Variants in PCDH15 observed in about 807,000 individuals in gnomAD.
PCDH15 encodes protocadherin related 15, also known as protocadherin-15.
Under a neutral mutation model 178.5 loss-of-function variants are expected in PCDH15, and 129 were observed. The ratio of observed to expected loss-of-function variants is 0.72; its 90% CI spans 0.63 to 0.84. PCDH15 has a LOEUF of 0.84. PCDH15 is among the 40% of genes least tolerant of loss of function. The probability of loss-of-function intolerance (pLI) is 0.00; values close to 1 mark genes in which losing one functional copy is unlikely to be tolerated. For synonymous variants in PCDH15, 800 were observed against 732.0 expected, an observed-to-expected ratio of 1.09 and a Z score of -1.50; for missense variants, 2,230 against 2,099.9, an observed-to-expected ratio of 1.06 and a Z score of -1.21.
intron 2 of PCDH15, among the ~76,000 whole-genome samples, chr10:55,591,199 C>G (rs1459969380): frequency 1.3e-5 from 2 of 151,916 alleles, no homozygotes; most frequent in African/African-American, 2.4e-5. Context: ...GTGGCTCACA[C>G]CTGTCATCCC....
intron 8 of PCDH15, among the ~76,000 whole-genome samples, chr10:54,239,367 G>A (rs1230402688): frequency 1.3e-5 from 2 of 151,300 alleles, no homozygotes; most frequent in Admixed American, 6.6e-5. Flanking sequence ...AAGAGGAAGG[G>A]AGAAATGAAA....
chr10:55,607,213 A>G (rs943623143), intron 2 of PCDH15, among the ~76,000 whole-genome samples: 4 of 151,602 alleles, frequency 2.6e-5, no homozygotes, highest in Non-Finnish European at 4.4e-5. Context: ...ATCTCACACC[A>G]GTTAGAATGG....
At chr10:55,158,102 A>G (rs1424816542) in intron 2 of PCDH15, among the ~76,000 whole-genome samples, 1 of 149,310 alleles carries the variant, frequency 6.7e-6, no homozygotes, top group African/African-American at 2.5e-5. Flanking sequence ...ATATATACAC[A>G]TATCTTTTAT....
At position 53,831,274 on chromosome 10, in the gene PCDH15, T is replaced by C. The variant is rs368258901; in HGVS notation, c.4202+41A>G. The C allele has an allele frequency of 9.5e-6, 15 of 1,584,348 alleles. No individual in the cohort carries two copies. In the South Asian group the frequency reaches 1.1e-4, roughly 12 times the overall value. On this transcript the variant is annotated intron_variant, in intron 30 of 37. Transcript: ENST00000644397. The stretch of plus-strand genomic sequence containing the variant: ...ACCAGAGATGGTTTTCTGCAATGAC[T>C]TCTGAGGAACTATCCAGGTTTACCA...
chr10:55,623,731 T>C (rs1837461127), intron 2 of PCDH15, among the ~76,000 whole-genome samples: 1 of 150,620 alleles, frequency 6.6e-6, no homozygotes, highest in Non-Finnish European at 1.5e-5. Context: ...CTAGATCCTC[T>C]TGGGGGATTA....
intron 2 of PCDH15, among the ~76,000 whole-genome samples, chr10:55,345,819 T>A (rs1844738575): frequency 6.6e-6 from 1 of 152,078 alleles, no homozygotes; most frequent in Non-Finnish European, 1.5e-5. Flanking sequence ...TTTTTCAAGT[T>A]ATACATATAT....
At chr10:54,631,908 G>A (rs570675840) in intron 2 of PCDH15, among the ~76,000 whole-genome samples, 4 of 152,070 alleles carry the variant, frequency 2.6e-5, no homozygotes, top group South Asian at 2.1e-4. Flanking sequence ...AGGGGAAACC[G>A]CCCCCGTGAT....
At chr10:54,687,363 T>TA (rs1357243241) in intron 1 of PCDH15, among the ~76,000 whole-genome samples, 1 of 152,038 alleles carries the variant, frequency 6.6e-6, no homozygotes, top group Non-Finnish European at 1.5e-5. Context: ...CTAGTACTCT[T>TA]ATGCTCATTG....
At chr10:54,071,413 G>T (rs1253073171) in intron 17 of PCDH15, among the ~76,000 whole-genome samples, 4 of 151,986 alleles carry the variant, frequency 2.6e-5, no homozygotes, top group Non-Finnish European at 5.9e-5. Context: ...AGCAATTTTG[G>T]CTTTAATCCT....
chr10:55,253,263 TG>T (rs1841895074), intron 1 of PCDH15, among the ~76,000 whole-genome samples: 1 of 151,794 alleles, frequency 6.6e-6, no homozygotes, highest in Non-Finnish European at 1.5e-5. Context: ...TGTGTGTGTG[TG>T]TGTGTGCATG....
chr10:54,255,728 T>C (rs538877543), intron 8 of PCDH15, among the ~76,000 whole-genome samples: 2 of 152,132 alleles, frequency 1.3e-5, no homozygotes, highest in South Asian at 4.1e-4. Flanking sequence ...TCTATAAGAA[T>C]AATATTAATG....
intron 3 of PCDH15, among the ~76,000 whole-genome samples, chr10:54,831,808 G>A (rs1376358237): frequency 6.6e-6 from 1 of 151,850 alleles, no homozygotes; most frequent in African/African-American, 2.4e-5. Flanking sequence ...ATGATCAATT[G>A]GCCACCGTAC....
intron 9 of PCDH15, among the ~76,000 whole-genome samples, chr10:54,234,989 G>A (rs1022818825): frequency 6.6e-6 from 1 of 152,064 alleles, no homozygotes; most frequent in Non-Finnish European, 1.5e-5. Flanking sequence ...CTTCTTTCCA[G>A]TACTTCCGGC....
intron 26 of PCDH15, among the ~76,000 whole-genome samples, chr10:53,873,691 C>A (rs1345495304): frequency 6.6e-6 from 1 of 152,224 alleles, no homozygotes; most frequent in Non-Finnish European, 1.5e-5. Context: ...GATGGAAAGA[C>A]AATAAATATG....
chr10:54,878,081 G>A (rs1954185415), intron 3 of PCDH15, among the ~76,000 whole-genome samples: 1 of 150,780 alleles, frequency 6.6e-6, no homozygotes, highest in African/African-American at 2.4e-5. Context: ...TCCTTCCTCA[G>A]TCCCCCTCGT....
chr10:54,223,304 C>CA (rs57667414), intron 9 of PCDH15, among the ~76,000 whole-genome samples: 1,322 of 30,610 alleles, frequency 0.043, 41 homozygotes, highest in Middle Eastern at 0.11. Context: ...AACTACGTCT[C>CA]AAAAAAAAAA....
At chr10:54,667,211 G>C (rs1439224383) in intron 1 of PCDH15, among the ~76,000 whole-genome samples, 2 of 151,928 alleles carry the variant, frequency 1.3e-5, no homozygotes, top group Non-Finnish European at 2.9e-5. Context: ...ATATCTGCCT[G>C]ATTTCCAAAG....
At chr10:55,582,628 A>ATATATATATATTTTT (rs780312007) in intron 2 of PCDH15, among the ~76,000 whole-genome samples, 5 of 69,036 alleles carry the variant, frequency 7.2e-5, no homozygotes, top group African/African-American at 3.3e-4. Flanking sequence ...ATATATATAT[A>ATATATATATATTTTT]TTTTTTTTTT....
rs575547228 is a variant in PCDH15, at chr10:54,561,980, C to CTTTT, written c.92-34107_92-34104dup. 3.7e-4 allele frequency among the ~76,000 whole-genome samples: 28 copies of CTTTT among 75,234 alleles called. 1 individual carries two copies. Among genetic ancestry groups the CTTTT allele is most frequent in the African/African-American group, 1.4e-3 (21 of 14,738 alleles). The allele number at this position is 75,234 out of a possible 152,430, so 49.4% of individuals were successfully genotyped here. A position where few individuals can be genotyped will look rare whatever the true frequency, so the allele number is the denominator to read the frequency against. On this transcript the variant is annotated intron_variant, in intron 2 of 37. Coordinates refer to ENST00000644397, the MANE Select transcript of PCDH15 (RefSeq NM_001384140.1). The stretch of plus-strand genomic sequence containing the variant: ...TACAGGCATGAGCCACCGCACCCAG[C>CTTTT]TTTTTTTTTTTTTTTTTTTTTTTTT...
Sources: allele counts gnomAD v4.1 joint callset (sites outside exome capture counted in the v4.1 genomes callset), GRCh38; gene constraint gnomAD v4.1.1; transcripts MANE v1.5; gene names NCBI Gene and HGNC (gene_info 2026-07-23, HGNC 2026-07-21).